ATIC: variants seen among roughly 807,000 people sequenced by gnomAD.
The protein encoded by ATIC is 5-aminoimidazole-4-carboxamide ribonucleotide formyltransferase/IMP cyclohydrolase.
Under a neutral mutation model 72.5 loss-of-function variants are expected in ATIC, and 64 were observed. The ratio of observed to expected loss-of-function variants is 0.88; its 90% CI spans 0.72 to 1.09. The LOEUF is 1.09. Among genes scored for constraint, ATIC ranks in the 50% least tolerant of loss-of-function variants. The pLI, the probability that ATIC is intolerant of heterozygous loss-of-function variation, is 0.00. For synonymous variants in ATIC, 281 were observed against 267.1 expected (o/e 1.05, Z -0.51); for missense variants, 787 against 732.4 (o/e 1.07, Z -0.86).
At chr2:215,314,213 A>G (rs2105988018) in intron 2 of ATIC, among the ~76,000 whole-genome samples, 1 of 152,312 alleles carries the variant, frequency 6.6e-6, no homozygotes, top group Middle Eastern at 3.4e-3. Context: ...CTATGAAAGG[A>G]TAAGAAGTTC....
intron 7 of ATIC, 58 bp downstream of exon 7, chr2:215,327,036 T>C: frequency 1.9e-6 from 3 of 1,607,996 alleles, no homozygotes; most frequent in Middle Eastern, 3.3e-4. Context: ...TGTGTTTCTC[T>C]GTATTGCATC....
chr2:215,336,009 G>T, intron 10 of ATIC, 26 bp from the exon 11 acceptor site: 2 of 1,536,778 alleles, frequency 1.3e-6, no homozygotes, highest in African/African-American at 1.4e-5. Context: ...TTTAAAAATA[G>T]AAATTAAAAT....
downstream of ATIC, among the ~76,000 whole-genome samples, chr2:215,351,116 A>G (rs1433125305): frequency 6.6e-6 from 1 of 152,210 alleles, no homozygotes; most frequent in Non-Finnish European, 1.5e-5. Flanking sequence ...CCTCTGGGAT[A>G]AGCCAAGACC....
intron 13 of ATIC, 50 bp downstream of exon 13, chr2:215,344,921 G>T: frequency 6.5e-7 from 1 of 1,545,922 alleles, no homozygotes; most frequent in Non-Finnish European, 8.9e-7. Flanking sequence ...TTTACGAAAT[G>T]ATATTTAAAC....
At chr2:215,365,717 G>A in the ATIC span, 2 of 1,289,892 alleles carry the variant, frequency 1.6e-6, no homozygotes, top group South Asian at 2.4e-5. Flanking sequence ...GTGTCACAGG[G>A]TCTTCAGAAC....
At chr2:215,328,828 C>G (rs1269326356) in intron 7 of ATIC, among the ~76,000 whole-genome samples, 1 of 151,974 alleles carries the variant, frequency 6.6e-6, no homozygotes, top group African/African-American at 2.4e-5. Context: ...AGTGATTCTC[C>G]TGCCTCGGCC....
chr2:215,327,444 A>G (rs41501252), intron 7 of ATIC, among the ~76,000 whole-genome samples: 3,042 of 152,332 alleles, frequency 0.02, 95 homozygotes, highest in African/African-American at 0.069. Flanking sequence ...TAGAAGCCCA[A>G]TTGAAGTAGG....
chr2:215,318,347 G>T (rs1575113392), intron 3 of ATIC, 114 bp downstream of exon 3: 4 of 1,032,816 alleles, frequency 3.9e-6, no homozygotes, highest in Non-Finnish European at 6.0e-6. Context: ...TACATATAAA[G>T]TTAATGTTAT....
At chr2:215,328,766 G>T (rs1260889794) in intron 7 of ATIC, among the ~76,000 whole-genome samples, 1 of 148,376 alleles carries the variant, frequency 6.7e-6, no homozygotes, top group African/African-American at 2.5e-5. Flanking sequence ...CGCCCAGGCT[G>T]GAGTGCAGTG....
chr2:215,328,876 C>T (rs1448027304), intron 7 of ATIC, among the ~76,000 whole-genome samples: 3 of 152,092 alleles, frequency 2.0e-5, no homozygotes, highest in Non-Finnish European at 4.4e-5. Context: ...TGCCACCACA[C>T]CTGGCTAATT....
chr2:215,334,189 C>CTTTTTTTTTTT (rs551274501), intron 9 of ATIC, among the ~76,000 whole-genome samples: 1 of 101,004 alleles, frequency 9.9e-6, no homozygotes, highest in South Asian at 3.9e-4. Context: ...AAAAGCTATT[C>CTTTTTTTTTTT]TTTTTTTTTT....
the ATIC span, among the ~76,000 whole-genome samples, chr2:215,359,848 AG>A: frequency 6.6e-6 from 1 of 152,192 alleles, no homozygotes; most frequent in Non-Finnish European, 1.5e-5. Flanking sequence ...ATATTTAAAA[AG>A]TGCTTTGCAT....
At chr2:215,365,357 C>T in the ATIC span, 1 of 884,468 alleles carries the variant, frequency 1.1e-6, no homozygotes. Context: ...CTTGTCTCCA[C>T]TTTCCCAAAT....
chr2:215,334,832 GA>G, intron 9 of ATIC, 86 bp from the exon 10 acceptor site: 2 of 1,088,900 alleles, frequency 1.8e-6, no homozygotes, highest in Non-Finnish European at 2.8e-6. Flanking sequence ...TTAGAGTAAT[GA>G]ATTTTATATG....
At chr2:215,355,585 C>T in the ATIC span, among the ~76,000 whole-genome samples, 6 of 152,152 alleles carry the variant, frequency 3.9e-5, no homozygotes, top group East Asian at 1.9e-4. Context: ...TCTTTAAGCT[C>T]GCAGTGCTTT....
intron 7 of ATIC, among the ~76,000 whole-genome samples, chr2:215,330,810 C>CATGGGATTACAGGCA (rs2052884253): frequency 1.3e-5 from 2 of 151,532 alleles, no homozygotes; most frequent in Admixed American, 1.3e-4. Context: ...TCTCAAGTAG[C>CATGGGATTACAGGCA]TGGGATTACA....
the ATIC span, chr2:215,361,946 A>C: frequency 6.2e-7 from 1 of 1,612,358 alleles, no homozygotes; most frequent in Non-Finnish European, 8.5e-7. Context: ...GAGGGAACAC[A>C]CTTGTGCTGC....
chr2:215,354,445 C>T (rs1473595430), downstream of ATIC, among the ~76,000 whole-genome samples: 3 of 152,152 alleles, frequency 2.0e-5, no homozygotes, highest in African/African-American at 7.2e-5. Context: ...AAATTTATTT[C>T]TGTTCTTTGT....
rs4672768 is a variant in ATIC at position 215,349,401 on chromosome 2, G to T, written c.1660-135G>T. 3 of 1,571,014 alleles carry T rather than the reference G, an allele frequency of 1.9e-6. No homozygotes were observed. The African/African-American group carries it at 4.1e-5, about 21-fold the overall frequency. ...TTGACTTCTCCATTGGGTGGATGGA[G>T]AACCCAAATCCTGTTGTTATTTTGC... On this transcript the variant is annotated intron_variant, in intron 15 of 15. Transcript: ENST00000236959.
Sources: allele counts gnomAD v4.1 joint callset (sites outside exome capture counted in the v4.1 genomes callset), GRCh38; gene constraint gnomAD v4.1.1; transcripts MANE v1.5; gene names NCBI Gene and HGNC (gene_info 2026-07-23, HGNC 2026-07-21).